The following KDM4E variants were observed in gnomAD, a reference collection of about 807,000 sequenced individuals.
The protein encoded by KDM4E is lysine-specific demethylase 4E.
For missense variants in KDM4E, 576 were observed against 642.6 expected, an observed-to-expected ratio of 0.90 and a Z score of 1.12; for synonymous variants, 229 against 232.9, an observed-to-expected ratio of 0.98 and a Z score of 0.15.
In KDM4E at chr11:95,026,921, G is replaced by A. The variant is rs1259807374; in HGVS notation, c.1364G>A (p.Arg455His). Residue 455 changes from arginine (R) to histidine (H), a missense_variant, in exon 1 of 1, where the codon CGT becomes CAT. Coordinates refer to ENST00000450979, the MANE Select transcript of KDM4E (RefSeq NM_001161630.1). ...CAAGGTCGAGGTTGCAGTCGTGGTC[G>A]TGGTCATGGTTGTTGTACTCGAGAA... ...QGQGRGCSRG[R>H]GHGCCTRELG... is the part of the protein sequence containing the mutation. The A allele has an allele frequency of 1.4e-5, 21 of 1,537,062 alleles. No homozygotes were observed. In the African/African-American group the frequency reaches 1.5e-4, roughly 11 times the overall value.
chr11:95,026,239 T>C lies in KDM4E; in HGVS notation c.682T>C (p.Phe228Leu). ...QHLERLAREL[F>L]PDISRGCEAF... ...CCTGGAACGCCTGGCCAGGGAGCTC[T>C]TCCCAGACATTTCTCGGGGCTGTGA... The change falls in exon 1 of 1, where the codon TTC becomes CTC. Residue 228 changes from phenylalanine to leucine, a missense_variant. Transcript: ENST00000450979. 6.2e-7 allele frequency: 1 copy of C among 1,614,122 alleles called. No homozygotes were observed. The highest frequency in any genetic ancestry group is 8.5e-7 in the Non-Finnish European group (1 of 1,180,002).
rs782632897 is a variant in KDM4E, at chr11:95,026,382, C to G, written c.825C>G (p.Gly275=). The change falls in exon 1 of 1, where the codon GGC becomes GGG. Residue 275 remains glycine (G), a synonymous_variant. Transcript: ENST00000450979. ...AGTTCATGGTGACCTTTCCCTATGG[C>G]TACCATGCTGGCTTCAATCACGGCT... The part of the protein sequence containing the change: ...AGEFMVTFPY[G]YHAGFNHGFN... The G allele has an allele frequency of 5.0e-6, 8 of 1,613,894 alleles. No individual in the cohort carries two copies. The highest frequency in any genetic ancestry group is 6.8e-6 in the Non-Finnish European group (8 of 1,180,038).
Position 95,027,172 on chromosome 11 carries a change from T to A in KDM4E, c.*94T>A. On this transcript the variant is annotated 3_prime_UTR_variant, in exon 1 of 1. Transcript: ENST00000450979. ...CCCCCACTGGATCGTGATGAAACCATGCACCCTGGCCTGTGCCTGCTATCC... is the reference window on the plus strand; with the variant it reads ...CCCCCACTGGATCGTGATGAAACCAAGCACCCTGGCCTGTGCCTGCTATCC... 2 of 1,465,180 alleles carry A rather than the reference T, an allele frequency of 1.4e-6. No homozygotes were observed. Among genetic ancestry groups the A allele is most frequent in the Non-Finnish European group, 9.0e-7 (1 of 1,109,854 alleles). 90.8% of individuals were successfully genotyped at this position (1,465,180 alleles called of 1,614,324 possible). A position where few individuals can be genotyped will look rare whatever the true frequency, so the allele number is the denominator to read the frequency against.
At position 95,026,584 on chromosome 11, in the gene KDM4E, G is replaced by A. The variant is rs1555102928; in HGVS notation, c.1027G>A (p.Glu343Lys). The A allele has an allele frequency of 6.5e-7, 1 of 1,538,004 alleles. No individual in the cohort carries two copies. The highest frequency in any genetic ancestry group is 1.2e-5 in the South Asian group (1 of 84,158). ...WKHRQDLAIV[E>K]HTEPRVAESQ... The stretch of plus-strand genomic sequence containing the variant: ...ACACAGGCAAGACTTGGCCATTGTG[G>A]AACACACAGAGCCCAGGGTTGCAGA... The change falls in exon 1 of 1, where the codon GAA becomes AAA. Residue 343 changes from glutamate (E) to lysine (K), a missense_variant. Transcript: ENST00000450979.
In KDM4E at chr11:95,026,546, A is replaced by G. The variant is rs1555102910; in HGVS notation, c.989A>G (p.Tyr330Cys). 3 of 1,546,878 alleles carry G rather than the reference A, an allele frequency of 1.9e-6. 1 individual carries two copies. In the South Asian group the frequency reaches 3.5e-5, roughly 18 times the overall value. The change falls in exon 1 of 1, where the codon TAT becomes TGT. Residue 330 changes from tyrosine to cysteine, a missense_variant. Physicochemically the swap from Tyr to Cys is radical, Grantham distance 194. Coordinates refer to ENST00000450979, the MANE Select transcript of KDM4E (RefSeq NM_001161630.1). Reference sequence around the variant, plus strand: ...GTGCGCATTGTGCAACCCGAGAGTTATGAGCTCTGGAAACACAGGCAAGAC... The same window carrying G: ...GTGCGCATTGTGCAACCCGAGAGTTGTGAGCTCTGGAAACACAGGCAAGAC... ...PFVRIVQPESYELWKHRQDLA... is the reference protein window; with the variant it reads ...PFVRIVQPESCELWKHRQDLA...
At position 95,026,757 on chromosome 11, in the gene KDM4E, T is replaced by C; in HGVS notation, c.1200T>C (p.Asp400=). The change falls in exon 1 of 1, where the codon GAT becomes GAC. Residue 400 remains aspartate (D), a synonymous_variant. Coordinates refer to ENST00000450979, the MANE Select transcript of KDM4E (RefSeq NM_001161630.1). Reference sequence around the variant, plus strand: ...ACAACCCAAAAGGCTGTGGCACTGATGCTGTGCCTGGATCCGCATTCCAAA... The same window carrying C: ...ACAACCCAAAAGGCTGTGGCACTGACGCTGTGCCTGGATCCGCATTCCAAA... The part of the protein sequence containing the change: ...HCYNPKGCGT[D]AVPGSAFQSS... 1.3e-6 allele frequency: 2 copies of C among 1,537,264 alleles called. No individual in the cohort carries two copies. Among genetic ancestry groups the C allele is most frequent in the South Asian group, 1.2e-5 (1 of 84,064 alleles).
In KDM4E at chr11:95,025,369, T is replaced by G. The variant is rs1590980239; in HGVS notation, c.-189T>G. On this transcript the variant is annotated 5_prime_UTR_variant, in exon 1 of 1. Transcript: ENST00000450979. Reference sequence around the variant, plus strand: ...AAAAAGTATACTGACTAGAGTGGAGTCCCCCTGGGGAGTCAGAAAGCCTGT... The same window carrying G: ...AAAAAGTATACTGACTAGAGTGGAGGCCCCCTGGGGAGTCAGAAAGCCTGT... 1 of 702,938 alleles carries G rather than the reference T, an allele frequency of 1.4e-6. No homozygotes were observed. The highest frequency in any genetic ancestry group is 2.5e-5 in the South Asian group (1 of 40,512). The allele number at this position is 702,938 out of a possible 1,614,324, so 43.5% of individuals were successfully genotyped here.
chr11:95,026,404 G>A lies in KDM4E; in HGVS notation c.847G>A (p.Gly283Ser), dbSNP rs782040180. ...TGGCTACCATGCTGGCTTCAATCAC[G>A]GCTTCAACTGCGCAGAAGCCATTAA... ...PYGYHAGFNH[G>S]FNCAEAINFA... The change falls in exon 1 of 1, where the codon GGC becomes AGC. Residue 283 changes from glycine to serine, a missense_variant. Physicochemically the swap from Gly to Ser is moderately conservative, Grantham distance 56. Transcript: ENST00000450979. 20 of 1,613,434 alleles carry A rather than the reference G, an allele frequency of 1.2e-5. No homozygotes were observed. The highest frequency in any genetic ancestry group is 1.6e-5 in the Non-Finnish European group (19 of 1,180,022).
At position 95,027,124 on chromosome 11, in the gene KDM4E, T is replaced by G; in HGVS notation, c.*46T>G. 1 of 1,518,828 alleles carries G rather than the reference T, an allele frequency of 6.6e-7. No individual in the cohort carries two copies. Among genetic ancestry groups the G allele is most frequent in the East Asian group, 2.5e-5 (1 of 40,710 alleles). 94.1% of individuals were successfully genotyped at this position (1,518,828 alleles called of 1,614,324 possible). On this transcript the variant is annotated 3_prime_UTR_variant, in exon 1 of 1. Transcript: ENST00000450979. ...GCCAAGGCTTCTGGCTGCTGCTGTG[T>G]CCCTGATCTTCAACTCCTGGGGCCC...
Position 95,026,842 on chromosome 11 carries a change from C to G in KDM4E, c.1285C>G (p.Leu429Val). ...LTLGMSARVL[L>V]PSTGSWGSGR... Reference sequence around the variant, plus strand: ...CCTGGGGATGTCAGCCAGGGTTCTTCTCCCTTCCACTGGAAGCTGGGGTTC... The same window carrying G: ...CCTGGGGATGTCAGCCAGGGTTCTTGTCCCTTCCACTGGAAGCTGGGGTTC... Residue 429 changes from leucine to valine, a missense_variant, in exon 1 of 1, where the codon CTC becomes GTC. Transcript: ENST00000450979. 1.3e-6 allele frequency: 2 copies of G among 1,537,260 alleles called. No homozygotes were observed. Among genetic ancestry groups the G allele is most frequent in the Non-Finnish European group, 1.7e-6 (2 of 1,146,916 alleles).
chr11:95,026,585 A>C lies in KDM4E; in HGVS notation c.1028A>C (p.Glu343Ala). The change falls in exon 1 of 1, where the codon GAA becomes GCA. Residue 343 changes from glutamate (E) to alanine (A), a missense_variant. By Grantham distance (107) the Glu-to-Ala change is moderately radical. Coordinates refer to ENST00000450979, the MANE Select transcript of KDM4E (RefSeq NM_001161630.1). ...WKHRQDLAIV[E>A]HTEPRVAESQ... ...CACAGGCAAGACTTGGCCATTGTGG[A>C]ACACACAGAGCCCAGGGTTGCAGAA... 2.0e-6 allele frequency: 3 copies of C among 1,538,060 alleles called. No individual in the cohort carries two copies. Among genetic ancestry groups the C allele is most frequent in the Non-Finnish European group, 2.6e-6 (3 of 1,147,224 alleles).
Position 95,025,809 on chromosome 11 carries a change from T to C in KDM4E, c.252T>C (p.Thr84=), listed in dbSNP as rs782592688. The part of the protein sequence containing the change: ...QVTSGQGGVF[T]QYHKKKKAMR... ...CCTCTGGGCAGGGAGGTGTGTTTACTCAATACCATAAAAAGAAGAAAGCCA... is the reference window on the plus strand; with the variant it reads ...CCTCTGGGCAGGGAGGTGTGTTTACCCAATACCATAAAAAGAAGAAAGCCA... The change falls in exon 1 of 1, where the codon ACT becomes ACC. Residue 84 remains threonine (T), a synonymous_variant. Transcript: ENST00000450979. 6.3e-6 allele frequency: 10 copies of C among 1,592,036 alleles called. No homozygotes were observed. The highest frequency in any genetic ancestry group is 5.1e-5 in the Admixed American group (3 of 58,782).
In KDM4E at chr11:95,026,322, G is replaced by A; in HGVS notation, c.765G>A (p.Gly255=). Residue 255 remains glycine, a synonymous_variant, in exon 1 of 1, where the codon GGG becomes GGA. Transcript: ENST00000450979. ...LISPTVLKEN[G]IPFNCMTQEA... is the part of the protein sequence containing the mutation. ...CGCCTACAGTTCTCAAGGAAAATGG[G>A]ATTCCCTTCAATTGCATGACTCAGG... 6.2e-7 allele frequency: 1 copy of A among 1,614,070 alleles called. No homozygotes were observed. The highest frequency in any genetic ancestry group is 8.5e-7 in the Non-Finnish European group (1 of 1,180,026).
rs1379318447 is a variant in KDM4E, at chr11:95,026,653, A to G, written c.1096A>G (p.Arg366Gly). 6.5e-7 allele frequency: 1 copy of G among 1,537,156 alleles called. No homozygotes were observed. The highest frequency in any genetic ancestry group is 1.4e-5 in the African/African-American group (1 of 73,048). The change falls in exon 1 of 1, where the codon AGA (arginine) becomes GGA (glycine). Residue 366 changes from arginine to glycine, a missense_variant. Coordinates refer to ENST00000450979, the MANE Select transcript of KDM4E (RefSeq NM_001161630.1). ...SNWRDDIVLR[R>G]AALGLRLLPN... The stretch of plus-strand genomic sequence containing the variant: ...CTGGAGAGATGATATAGTACTTAGA[A>G]GAGCTGCTCTGGGCCTGAGGCTTCT...
chr11:95,027,244 C>A lies in KDM4E; in HGVS notation c.*166C>A. 1 of 942,772 alleles carries A rather than the reference C, an allele frequency of 1.1e-6. No homozygotes were observed. Among genetic ancestry groups the A allele is most frequent in the Non-Finnish European group, 1.5e-6 (1 of 651,544 alleles). The allele number at this position is 942,772 out of a possible 1,614,324, so 58.4% of individuals were successfully genotyped here. A position where few individuals can be genotyped will look rare whatever the true frequency, so the allele number is the denominator to read the frequency against. On this transcript the variant is annotated 3_prime_UTR_variant, in exon 1 of 1. Transcript: ENST00000450979. ...CTCCCTGATGTTGTCTGCATGACTC[C>A]TCCCAATGTCATTGTGCCTTTGATT...
rs1443500948 is a variant in KDM4E at position 95,025,459 on chromosome 11, T to C, written c.-99T>C. Reference sequence around the variant, plus strand: ...TGTCTCACAGATAAACCAAAGTATTTTGAAAAACAAAGGGGAGAAAAGAAA... The same window carrying C: ...TGTCTCACAGATAAACCAAAGTATTCTGAAAAACAAAGGGGAGAAAAGAAA... On this transcript the variant is annotated 5_prime_UTR_variant, in exon 1 of 1. Transcript: ENST00000450979. 3 of 1,436,256 alleles carry C rather than the reference T, an allele frequency of 2.1e-6. No homozygotes were observed. Among genetic ancestry groups the C allele is most frequent in the East Asian group, 2.5e-5 (1 of 40,144 alleles). The allele number at this position is 1,436,256 out of a possible 1,614,324, so 89.0% of individuals were successfully genotyped here. A position where few individuals can be genotyped will look rare whatever the true frequency, so the allele number is the denominator to read the frequency against.
At position 95,025,682 on chromosome 11, in the gene KDM4E, A is replaced by G. The variant is rs2257265; in HGVS notation, c.125A>G (p.Gln42Arg). ...VAYMESQGAH[Q>R]AGLAKVIPPK... ...TACATGGAGTCCCAAGGCGCACATC[A>G]AGCTGGCCTTGCCAAGGTAATTCCA... The change falls in exon 1 of 1, where the codon CAA becomes CGA. Residue 42 changes from glutamine to arginine, a missense_variant. By Grantham distance (43) the Gln-to-Arg change is conservative. Transcript: ENST00000450979. 2.5e-3 allele frequency: 3,849 copies of G among 1,548,226 alleles called. 80 individuals carry two copies. The African/African-American group carries it at 0.038, about 15-fold the overall frequency.
In KDM4E at chr11:95,026,515, C is replaced by A; in HGVS notation, c.958C>A (p.Pro320Thr). The change falls in exon 1 of 1, where the codon CCC (proline) becomes ACC (threonine). Residue 320 changes from proline to threonine, a missense_variant. Transcript: ENST00000450979. Reference sequence around the variant, plus strand: ...GTCGACAGTGACCTTTTCCATGGACCCCTTTGTGCGCATTGTGCAACCCGA... The same window carrying A: ...GTCGACAGTGACCTTTTCCATGGACACCTTTGTGCGCATTGTGCAACCCGA... ...GESTVTFSMD[P>T]FVRIVQPESY... 6.3e-7 allele frequency: 1 copy of A among 1,579,402 alleles called. No individual in the cohort carries two copies. The highest frequency in any genetic ancestry group is 1.3e-5 in the African/African-American group (1 of 74,686).
rs782518219 is a variant in KDM4E at position 95,026,438 on chromosome 11, C to A, written c.881C>A (p.Thr294Asn). The A allele has an allele frequency of 2.4e-4, 386 of 1,611,764 alleles. 5 individuals are homozygous for A. Among genetic ancestry groups the A allele is most frequent in the Non-Finnish European group, 4.6e-5 (54 of 1,180,004 alleles). The change falls in exon 1 of 1, where the codon ACT (threonine) becomes AAT (asparagine). Residue 294 changes from threonine to asparagine, a missense_variant. Coordinates refer to ENST00000450979, the MANE Select transcript of KDM4E (RefSeq NM_001161630.1). Reference sequence around the variant, plus strand: ...TGCGCAGAAGCCATTAATTTTGCCACTCCACGATGGATTGATTATGGCAAA... The same window carrying A: ...TGCGCAGAAGCCATTAATTTTGCCAATCCACGATGGATTGATTATGGCAAA... ...FNCAEAINFA[T>N]PRWIDYGKMA...
Sources: gnomAD v4.1 joint callset for allele counts on GRCh38, gnomAD v4.1.1 for gene constraint, MANE v1.5 for transcripts, NCBI Gene and HGNC (gene_info 2026-07-23, HGNC 2026-07-21) for gene names.